DOCK9: variants seen among roughly 807,000 people sequenced by gnomAD.
DOCK9 encodes the protein dedicator of cytokinesis 9, also known as dedicator of cytokinesis protein 9.
A neutral mutation model predicts 263.3 loss-of-function variants in DOCK9; 89 were observed. The ratio of observed to expected loss-of-function variants is 0.34; its 90% CI spans 0.28 to 0.40. DOCK9 has a LOEUF of 0.40. Ranked by LOEUF, DOCK9 falls within the 10% of genes least tolerant of loss-of-function variation. The probability of loss-of-function intolerance (pLI) is 1.00; values close to 1 mark genes in which losing one functional copy is unlikely to be tolerated. For synonymous variants in DOCK9, 976 were observed against 973.1 expected, an observed-to-expected ratio of 1.00 and a Z score of -0.06; for missense variants, 2,140 against 2,603.4, an observed-to-expected ratio of 0.82 and a Z score of 3.87.
At chr13:98,962,636 T>TA (rs2058761020) in intron 1 of DOCK9, among the ~76,000 whole-genome samples, 2 of 135,576 alleles carry the variant, frequency 1.5e-5, no homozygotes, top group African/African-American at 5.4e-5. Context: ...ATGATAGGTT[T>TA]TAAAAAAAAA....
rs1209393657 is a variant in DOCK9 at position 98,977,935 on chromosome 13, A to G, written c.-26T>C. The G allele has an allele frequency of 1.9e-6, 3 of 1,560,862 alleles. No homozygotes were observed. Among genetic ancestry groups the G allele is most frequent in the Non-Finnish European group, 2.6e-6 (3 of 1,151,676 alleles). On this transcript the variant is annotated 5_prime_UTR_variant, in exon 1 of 53. Coordinates refer to ENST00000682017, the MANE Select transcript of DOCK9 (RefSeq NM_001366683.2). Reference sequence around the variant, plus strand: ...TCTCGGCTGAAAACGCAAGTCAGAAAGTCTGCAACTGGAACAGCTGCGAGT... The same window carrying G: ...TCTCGGCTGAAAACGCAAGTCAGAAGGTCTGCAACTGGAACAGCTGCGAGT...
chr13:99,011,375 G>C (rs1884447119), intron 1 of DOCK9, among the ~76,000 whole-genome samples: 1 of 152,102 alleles, frequency 6.6e-6, no homozygotes, highest in Non-Finnish European at 1.5e-5. Flanking sequence ...TTTTGAAAAA[G>C]CCTAGAACCT....
intron 1 of DOCK9, among the ~76,000 whole-genome samples, chr13:98,986,154 C>A (rs1359427): frequency 0.52 from 79,166 of 152,140 alleles, 20,911 homozygotes; most frequent in South Asian, 0.68. Flanking sequence ...AGCAACCTAG[C>A]GGAAAACACA....
At chr13:98,999,286 ACG>A (rs201880237) in intron 1 of DOCK9, among the ~76,000 whole-genome samples, 21,498 of 120,222 alleles carry the variant, frequency 0.18, 2,317 homozygotes, top group East Asian at 0.44. Flanking sequence ...GCACGCATGC[ACG>A]CGCACACACA....
intron 1 of DOCK9, among the ~76,000 whole-genome samples, chr13:99,011,149 G>A (rs910454800): frequency 2.6e-5 from 4 of 151,816 alleles, no homozygotes; most frequent in Non-Finnish European, 5.9e-5. Flanking sequence ...CACCCACTTC[G>A]GCCTCCCAAG....
intron 1 of DOCK9, among the ~76,000 whole-genome samples, chr13:99,020,957 T>G (rs1217794083): frequency 6.6e-6 from 1 of 152,214 alleles, no homozygotes; most frequent in Non-Finnish European, 1.5e-5. Flanking sequence ...TTCATTCTAT[T>G]TAAATGCCAT....
In DOCK9 at chr13:98,794,448, G is replaced by A; in HGVS notation, c.*178C>T. 1.5e-6 allele frequency: 1 copy of A among 653,350 alleles called. No individual in the cohort carries two copies. Among genetic ancestry groups the A allele is most frequent in the East Asian group, 2.9e-5 (1 of 34,070 alleles). 40.5% of individuals were successfully genotyped at this position (653,350 alleles called of 1,614,324 possible). A position where few individuals can be genotyped will look rare whatever the true frequency, so the allele number is the denominator to read the frequency against. On this transcript the variant is annotated 3_prime_UTR_variant, in exon 53 of 53. Coordinates refer to ENST00000682017, the MANE Select transcript of DOCK9 (RefSeq NM_001366683.2). Reference sequence around the variant, plus strand: ...GCCAGTGAGATTTAAAAAAATATGTGCACCTTCTTACAACTCCTATAGAAA... The same window carrying A: ...GCCAGTGAGATTTAAAAAAATATGTACACCTTCTTACAACTCCTATAGAAA...
At chr13:98,961,438 C>T (rs16956152) in intron 1 of DOCK9, among the ~76,000 whole-genome samples, 4,665 of 152,246 alleles carry the variant, frequency 0.031, 228 homozygotes, top group African/African-American at 0.11. Context: ...CCTTGGGTGA[C>T]GGTCTACAAA....
chr13:98,863,778 A>C (rs148774575), intron 30 of DOCK9, among the ~76,000 whole-genome samples: 8,940 of 152,278 alleles, frequency 0.059, 682 homozygotes, highest in African/African-American at 0.17. Flanking sequence ...AAATACAATT[A>C]AGTGCACTGG....
In DOCK9 at chr13:98,886,572, G is replaced by A; in HGVS notation, c.2096C>T (p.Ala699Val). The A allele has an allele frequency of 6.2e-7, 1 of 1,613,808 alleles. No individual in the cohort carries two copies. Among genetic ancestry groups the A allele is most frequent in the Non-Finnish European group, 8.5e-7 (1 of 1,179,772 alleles). ...TGGGTTTTGGTGATGGTGTAAAACT[G>A]CAGCAAAGGCGCTTCTTGTGAAAAC... ...GPVFTRSAFA[A>V]VLHHHQNPEF... Residue 699 changes from alanine to valine, a missense_variant, in exon 19 of 53, where the codon GCA (alanine) becomes GTA (valine). By Grantham distance (64) the Ala-to-Val change is moderately conservative. Around this residue, in one of 2 missense-constraint regions of DOCK9, gnomAD observed 1,521 missense variants for 1,741.7 expected, o/e 0.87. Coordinates refer to ENST00000682017, the MANE Select transcript of DOCK9 (RefSeq NM_001366683.2).
intron 1 of DOCK9, among the ~76,000 whole-genome samples, chr13:99,046,238 C>T (rs2040426624): frequency 6.6e-6 from 1 of 152,200 alleles, no homozygotes; most frequent in Non-Finnish European, 1.5e-5. Context: ...ACAAGCCGAG[C>T]GACCTCCCAC....
chr13:98,874,139 G>A (rs529875637), intron 27 of DOCK9, among the ~76,000 whole-genome samples: 1 of 152,190 alleles, frequency 6.6e-6, no homozygotes, highest in Non-Finnish European at 1.5e-5. Flanking sequence ...TACATCTGTT[G>A]TCCCCATCCC....
At chr13:98,814,943 A>C (rs55711992) in intron 45 of DOCK9, among the ~76,000 whole-genome samples, 1,874 of 32,578 alleles carry the variant, frequency 0.058, 63 homozygotes, top group Admixed American at 0.076. Context: ...CTCAAAATAA[A>C]ATAAAATAAA....
intron 33 of DOCK9, chr13:98,859,601 T>G (rs960782984): frequency 2.0e-5 from 3 of 152,104 alleles, no homozygotes; most frequent in African/African-American, 7.2e-5. Context: ...ATTAGTCCCA[T>G]TATTAGGTAG....
chr13:98,988,103 A>C (rs1595837099), intron 1 of DOCK9, among the ~76,000 whole-genome samples: 1 of 152,328 alleles, frequency 6.6e-6, no homozygotes, highest in Middle Eastern at 3.4e-3. Flanking sequence ...GGCACTTTAA[A>C]AAAAATTTTT....
At chr13:98,996,145 A>C (rs532050594) in intron 1 of DOCK9, among the ~76,000 whole-genome samples, 2 of 152,336 alleles carry the variant, frequency 1.3e-5, no homozygotes, top group Admixed American at 6.5e-5. Flanking sequence ...CTTCAGATGC[A>C]AACAGAGATG....
intron 41 of DOCK9, among the ~76,000 whole-genome samples, chr13:98,830,475 T>C (rs1386300915): frequency 6.6e-6 from 1 of 152,194 alleles, no homozygotes; most frequent in African/African-American, 2.4e-5. Flanking sequence ...TGTCCAAATA[T>C]GCAATGATTT....
chr13:98,852,666 C>T (rs1308537102), intron 35 of DOCK9, among the ~76,000 whole-genome samples: 4 of 152,072 alleles, frequency 2.6e-5, no homozygotes, highest in African/African-American at 7.2e-5. Flanking sequence ...CCTTTTAATT[C>T]GTTGTAGGAA....
At chr13:99,054,360 G>A (rs1217969258) in intron 1 of DOCK9, among the ~76,000 whole-genome samples, 1 of 152,154 alleles carries the variant, frequency 6.6e-6, no homozygotes, top group Non-Finnish European at 1.5e-5. Context: ...ATAACCTAGA[G>A]CTCTAGACCA....
Sources: gnomAD v4.1 joint callset for allele counts (sites outside exome capture counted in the v4.1 genomes callset) on GRCh38, gnomAD v4.1.1 for gene constraint, gnomAD v4.1.1 regional missense constraint, MANE v1.5 for transcripts, NCBI Gene and HGNC (gene_info 2026-07-23, HGNC 2026-07-21) for gene names.